The following EFNA5 variants were observed in gnomAD, a reference collection of about 807,000 sequenced individuals.
The protein encoded by EFNA5 is ephrin A5.
EFNA5 carries 5 observed loss-of-function variants against 22.9 expected under a neutral mutation model. The ratio of observed to expected loss-of-function variants is 0.22; its 90% CI spans 0.11 to 0.46. The LOEUF is 0.46. Among genes scored for constraint, EFNA5 ranks in the 20% least tolerant of loss-of-function variants. The probability of loss-of-function intolerance (pLI) is 0.99; values close to 1 mark genes in which losing one functional copy is unlikely to be tolerated. For synonymous variants in EFNA5, 113 were observed against 112.2 expected, an observed-to-expected ratio of 1.01 and a Z score of -0.04; for missense variants, 237 against 293.3, an observed-to-expected ratio of 0.81 and a Z score of 1.40.
chr5:107,607,664 C>A (rs1419218993), intron 1 of EFNA5, among the ~76,000 whole-genome samples: 2 of 152,158 alleles, frequency 1.3e-5, no homozygotes, highest in African/African-American at 4.8e-5. Flanking sequence ...AGTTGGTCTT[C>A]TTTTTCTCCT....
chr5:107,638,127 A>G (rs1750425360), intron 1 of EFNA5, among the ~76,000 whole-genome samples: 1 of 152,036 alleles, frequency 6.6e-6, no homozygotes, highest in African/African-American at 2.4e-5. Flanking sequence ...TGCTGGGATT[A>G]CAGGCTTGAG....
chr5:107,622,963 G>T (rs1750067996), intron 1 of EFNA5, among the ~76,000 whole-genome samples: 1 of 139,594 alleles, frequency 7.2e-6, no homozygotes, highest in South Asian at 2.4e-4. Flanking sequence ...GGAGCTTGCA[G>T]TGAGCCGAGA....
intron 1 of EFNA5, among the ~76,000 whole-genome samples, chr5:107,593,292 C>T (rs1749413343): frequency 6.6e-6 from 1 of 152,166 alleles, no homozygotes. Flanking sequence ...AGCATCTGCC[C>T]AGCACAGGAC....
rs138406682 is a variant in EFNA5, at chr5:107,457,120, T to C, written c.126-29611A>G. ...GCCTCAGTGGCCCACTTAACTCTAA[T>C]TGAAAGGCCCCTTTTGTCATTTTTA... On this transcript the variant is annotated intron_variant, in intron 1 of 4. Coordinates refer to ENST00000333274, the MANE Select transcript of EFNA5 (RefSeq NM_001962.3). Among the ~76,000 whole-genome samples, 290 of 152,272 alleles carry C rather than the reference T, an allele frequency of 1.9e-3. 5 individuals are homozygous for C. Among genetic ancestry groups the C allele is most frequent in the Admixed American group, 0.013 (206 of 15,284 alleles).
At chr5:107,553,876 A>G (rs1338776901) in intron 1 of EFNA5, among the ~76,000 whole-genome samples, 1 of 152,198 alleles carries the variant, frequency 6.6e-6, no homozygotes, top group African/African-American at 2.4e-5. Context: ...AGGCATTTGC[A>G]TGATTCTTTG....
chr5:107,595,042 A>G (rs11951213), intron 1 of EFNA5, among the ~76,000 whole-genome samples: 24,253 of 152,142 alleles, frequency 0.16, 4,958 homozygotes, highest in African/African-American at 0.48. Context: ...AATGAAATCA[A>G]AGAAAATATA....
In EFNA5 at chr5:107,380,798, T is replaced by C. The variant is rs1747432411; in HGVS notation, c.*457A>G. On this transcript the variant is annotated 3_prime_UTR_variant, in exon 5 of 5. Transcript: ENST00000333274. Reference sequence around the variant, plus strand: ...GCCCTGCGCGATCATCTTACAGTTCTGAATGAGAAGGCATAAATATTGCAT... The same window carrying C: ...GCCCTGCGCGATCATCTTACAGTTCCGAATGAGAAGGCATAAATATTGCAT... 5 of 402,484 alleles carry C rather than the reference T, an allele frequency of 1.2e-5. No homozygotes were observed. Among genetic ancestry groups the C allele is most frequent in the East Asian group, 7.1e-5 (2 of 28,328 alleles). 24.9% of individuals were successfully genotyped at this position (402,484 alleles called of 1,614,324 possible).
intron 1 of EFNA5, among the ~76,000 whole-genome samples, chr5:107,553,636 G>A (rs1004544210): frequency 1.3e-5 from 2 of 152,178 alleles, no homozygotes; most frequent in African/African-American, 4.8e-5. Flanking sequence ...GCAATTATCT[G>A]GCAAGACACT....
intron 1 of EFNA5, among the ~76,000 whole-genome samples, chr5:107,460,539 A>G (rs545883401): frequency 6.6e-6 from 1 of 152,340 alleles, no homozygotes; most frequent in South Asian, 2.1e-4. Flanking sequence ...GAGTGAGTAA[A>G]GCCTCTTTCT....
intron 1 of EFNA5, 71 bp from the exon 2 acceptor site, chr5:107,427,580 G>A (rs1748840928): frequency 1.4e-6 from 2 of 1,398,380 alleles, no homozygotes; most frequent in Admixed American, 4.6e-5. Context: ...CAGTGGTTAA[G>A]CCATTCAATA....
chr5:107,633,533 T>C (rs1256025495), intron 1 of EFNA5, among the ~76,000 whole-genome samples: 1 of 152,214 alleles, frequency 6.6e-6, no homozygotes, highest in East Asian at 1.9e-4. Context: ...TTCTAACTTT[T>C]CCACTTGTGA....
intron 2 of EFNA5, among the ~76,000 whole-genome samples, chr5:107,402,259 G>C (rs1015815031): frequency 2.0e-5 from 3 of 152,252 alleles, no homozygotes; most frequent in Non-Finnish European, 4.4e-5. Flanking sequence ...TTACAAGGAT[G>C]GCATCTAATT....
At chr5:107,449,062 A>T (rs1401289191) in intron 1 of EFNA5, among the ~76,000 whole-genome samples, 1 of 152,042 alleles carries the variant, frequency 6.6e-6, no homozygotes, top group Non-Finnish European at 1.5e-5. Flanking sequence ...TAAATGAAAA[A>T]TAAGGTGTCC....
chr5:107,384,325 A>G (rs572315105), intron 4 of EFNA5, among the ~76,000 whole-genome samples: 4 of 152,320 alleles, frequency 2.6e-5, no homozygotes, highest in African/African-American at 9.6e-5. Context: ...GTTAACGGAG[A>G]GAACACTAGC....
At chr5:107,512,171 G>C (rs1377448057) in intron 1 of EFNA5, among the ~76,000 whole-genome samples, 1 of 152,124 alleles carries the variant, frequency 6.6e-6, no homozygotes, top group Non-Finnish European at 1.5e-5. Flanking sequence ...GCATTCAACA[G>C]GGAAGTCCCA....
intron 1 of EFNA5, among the ~76,000 whole-genome samples, chr5:107,496,164 T>TAAAA (rs35565454): frequency 1.4e-4 from 13 of 93,170 alleles, no homozygotes; most frequent in South Asian, 3.6e-4. Context: ...CTGTCTCTGC[T>TAAAA]AAAAAAAAAA....
At position 107,640,976 on chromosome 5, in the gene EFNA5, GTAGATAGA is replaced by G. The variant is rs55898305; in HGVS notation, c.125+29505_125+29512del. 6.6e-3 allele frequency among the ~76,000 whole-genome samples: 959 copies of G among 145,522 alleles called. 7 individuals carry two copies. The highest frequency in any genetic ancestry group is 0.018 in the African/African-American group (717 of 39,324). ...ACCTGGTAGGTAGGTAGGTAGGCAG[GTAGATAGA>G]TAGATAGATAGATAGATAGATAGAT... On this transcript the variant is annotated intron_variant, in intron 1 of 4. Transcript: ENST00000333274.
intron 1 of EFNA5, among the ~76,000 whole-genome samples, chr5:107,475,190 T>G (rs1750249763): frequency 6.6e-6 from 1 of 152,244 alleles, no homozygotes; most frequent in Admixed American, 6.5e-5. Flanking sequence ...TTTTTCTCCC[T>G]GTAAGTTATA....
chr5:107,600,601 C>T (rs1166522564), intron 1 of EFNA5, among the ~76,000 whole-genome samples: 1 of 151,970 alleles, frequency 6.6e-6, no homozygotes, highest in Non-Finnish European at 1.5e-5. Context: ...ATTCTCATGC[C>T]TCAGCCTCCC....
Sources: allele counts gnomAD v4.1 joint callset (sites outside exome capture counted in the v4.1 genomes callset), GRCh38; gene constraint gnomAD v4.1.1; transcripts MANE v1.5; gene names NCBI Gene and HGNC (gene_info 2026-07-23, HGNC 2026-07-21).